CNBD2: variants seen among roughly 807,000 people sequenced by gnomAD.
CNBD2 encodes the protein cyclic nucleotide-binding domain-containing protein 2.
Under a neutral mutation model 63.7 loss-of-function variants are expected in CNBD2, and 64 were observed. The observed-to-expected ratio is 1.00, with a 90% CI of 0.82 to 1.24. The LOEUF (loss-of-function observed/expected upper bound fraction) is 1.24. CNBD2 is among the 50% of genes most tolerant of loss of function. The pLI, the probability that CNBD2 is intolerant of heterozygous loss-of-function variation, is 0.00. For missense variants in CNBD2, 691 were observed against 713.5 expected (o/e 0.97, Z 0.36); for synonymous variants, 229 against 255.4 (o/e 0.90, Z 0.99).
chr20:35,995,034 T>C lies in CNBD2; in HGVS notation c.856-4T>C. On this transcript the variant is annotated splice_polypyrimidine_tract_variant and splice_region_variant and intron_variant, in intron 7 of 11. Transcript: ENST00000373973. ...CCTTTTCCTATGTCCCTTGCTGTGT[T>C]CAGGGCAGCTGTGAAGTCCTGCGGC... The C allele has an allele frequency of 6.2e-7, 1 of 1,611,416 alleles. No homozygotes were observed. The highest frequency in any genetic ancestry group is 1.1e-5 in the South Asian group (1 of 91,016).
In CNBD2 at chr20:36,024,791, C is replaced by T. The variant is rs957688168; in HGVS notation, c.1439+1020C>T. Among the ~76,000 whole-genome samples, 7 of 152,036 alleles carry T rather than the reference C, an allele frequency of 4.6e-5. No individual in the cohort carries two copies. In the East Asian group the frequency reaches 9.7e-4, roughly 21 times the overall value. On this transcript the variant is annotated intron_variant, in intron 11 of 11. Coordinates refer to ENST00000373973, the MANE Select transcript of CNBD2 (RefSeq NM_001365709.1). ...AAACATAGTCTACTAAACACACCAC[C>T]GGGTGTGGTGGCGGGCACCTTTACT...
intron 6 of CNBD2, among the ~76,000 whole-genome samples, chr20:35,985,367 T>C (rs914895748): frequency 5.3e-5 from 8 of 152,002 alleles, no homozygotes; most frequent in African/African-American, 1.9e-4. Flanking sequence ...AATCTTGTTA[T>C]GTTGCCCAGG....
intron 11 of CNBD2, among the ~76,000 whole-genome samples, chr20:36,029,697 CT>C (rs1213141456): frequency 6.6e-6 from 1 of 152,188 alleles, no homozygotes; most frequent in Non-Finnish European, 1.5e-5. Flanking sequence ...TTGACTTTAT[CT>C]TTGTCGATAT....
At chr20:35,987,131 A>C (rs1378805850) in intron 6 of CNBD2, among the ~76,000 whole-genome samples, 1 of 152,116 alleles carries the variant, frequency 6.6e-6, no homozygotes, top group East Asian at 1.9e-4. Flanking sequence ...AAAAGCACAG[A>C]GGCTGGATCA....
chr20:36,028,635 T>C (rs1220758760), intron 11 of CNBD2, among the ~76,000 whole-genome samples: 5 of 149,770 alleles, frequency 3.3e-5, no homozygotes, highest in Admixed American at 6.6e-5. Flanking sequence ...ACAGACAGTA[T>C]GAACTAATGC....
At chr20:35,985,790 A>G (rs760295375) in intron 6 of CNBD2, among the ~76,000 whole-genome samples, 1 of 152,098 alleles carries the variant, frequency 6.6e-6, no homozygotes, top group South Asian at 2.1e-4. Flanking sequence ...GCCTGGCCCA[A>G]ACTATAATTC....
chr20:35,978,345 T>TC (rs2056549433), intron 3 of CNBD2, among the ~76,000 whole-genome samples: 1 of 130,844 alleles, frequency 7.6e-6, no homozygotes, highest in African/African-American at 3.2e-5. Context: ...GCCTGGCTAA[T>TC]TTTTTTTTTT....
intron 11 of CNBD2, among the ~76,000 whole-genome samples, chr20:36,028,685 G>GCTTTTTTTTTTT (rs765033361): frequency 2.9e-5 from 4 of 140,116 alleles, no homozygotes; most frequent in African/African-American, 1.2e-4. Flanking sequence ...TCACGGGCTG[G>GCTTTTTTTTTTT]TTTTTTTTGG....
chr20:36,011,491 C>A (rs2057061130), intron 10 of CNBD2, among the ~76,000 whole-genome samples: 1 of 152,036 alleles, frequency 6.6e-6, no homozygotes, highest in African/African-American at 2.4e-5. Flanking sequence ...TTGAGACCAG[C>A]CTGACCAACA....
At chr20:35,965,205 C>T (rs1469475463), upstream of CNBD2, among the ~76,000 whole-genome samples, 5 of 135,956 alleles carry the variant, frequency 3.7e-5, no homozygotes, top group Non-Finnish European at 6.2e-5. Context: ...TTTTTTGAGA[C>T]GGAGTCTCAT....
chr20:36,009,729 G>C (rs942862641), intron 9 of CNBD2, among the ~76,000 whole-genome samples: 1 of 152,076 alleles, frequency 6.6e-6, no homozygotes, highest in African/African-American at 2.4e-5. Flanking sequence ...CTACTTGGGA[G>C]GCTGAGGCAC....
Position 35,995,116 on chromosome 20 carries a change from C to T in CNBD2, c.934C>T (p.Leu312=). Residue 312 remains leucine, a synonymous_variant, in exon 8 of 12, where the codon CTG becomes TTG. Coordinates refer to ENST00000373973, the MANE Select transcript of CNBD2 (RefSeq NM_001365709.1). ...YRRWIWQHLE[L]IDGRPLKTHL... is the part of the protein sequence containing the mutation. ...TAGATGGATCTGGCAGCACCTGGAG[C>T]TGATAGATGGCAGACCTCTGAAGAC... 1 of 1,614,044 alleles carries T rather than the reference C, an allele frequency of 6.2e-7. No individual in the cohort carries two copies. The highest frequency in any genetic ancestry group is 1.3e-5 in the African/African-American group (1 of 75,042).
At chr20:36,016,687 G>A (rs1243767313) in intron 10 of CNBD2, among the ~76,000 whole-genome samples, 2 of 151,768 alleles carry the variant, frequency 1.3e-5, no homozygotes, top group Non-Finnish European at 2.9e-5. Context: ...TACTCGGGAA[G>A]CTGAGGCAGG....
chr20:36,017,822 C>G (rs149467414), intron 10 of CNBD2, among the ~76,000 whole-genome samples: 2 of 152,318 alleles, frequency 1.3e-5, no homozygotes, highest in Non-Finnish European at 2.9e-5. Flanking sequence ...CCTGGAAAGC[C>G]CTTCTGCCTG....
At chr20:35,959,856 C>T (rs1265465582), downstream of CNBD2, among the ~76,000 whole-genome samples, 1 of 152,146 alleles carries the variant, frequency 6.6e-6, no homozygotes, top group Non-Finnish European at 1.5e-5. Context: ...GGACTTAAAG[C>T]AGGGGAAGGA....
intron 7 of CNBD2, among the ~76,000 whole-genome samples, chr20:35,990,590 T>A (rs1442178079): frequency 6.6e-6 from 1 of 152,004 alleles, no homozygotes; most frequent in Non-Finnish European, 1.5e-5. Context: ...ATCTCACCAC[T>A]GCACTCCAGC....
chr20:36,012,939 AATT>A (rs1463993195), intron 10 of CNBD2, among the ~76,000 whole-genome samples: 1 of 152,140 alleles, frequency 6.6e-6, no homozygotes, highest in African/African-American at 2.4e-5. Flanking sequence ...GAGATAGTAA[AATT>A]ATCAGTGGTT....
At chr20:35,968,836 G>A (rs1379932665) in intron 1 of CNBD2, 23 bp downstream of exon 1, 1 of 1,589,554 alleles carries the variant, frequency 6.3e-7, no homozygotes, top group Non-Finnish European at 8.6e-7. Flanking sequence ...AAGGGCCCTG[G>A]GAGGGAAGAG....
chr20:36,022,390 G>A (rs1281305906), intron 10 of CNBD2, among the ~76,000 whole-genome samples: 1 of 151,012 alleles, frequency 6.6e-6, no homozygotes, highest in Non-Finnish European at 1.5e-5. Flanking sequence ...AGTAGAGACG[G>A]GTTTTCACCG....
Sources: allele counts gnomAD v4.1 joint callset (sites outside exome capture counted in the v4.1 genomes callset), GRCh38; gene constraint gnomAD v4.1.1; transcripts MANE v1.5; gene names NCBI Gene and HGNC (gene_info 2026-07-23, HGNC 2026-07-21).